SAMSN1: variants seen among roughly 807,000 people sequenced by gnomAD.
SAMSN1 encodes SAM domain, SH3 domain and nuclear localization signals 1.
SAMSN1 carries 31 observed loss-of-function variants against 42.0 expected under a neutral mutation model. The ratio of observed to expected loss-of-function variants is 0.74; its 90% CI spans 0.55 to 1.00. The LOEUF (loss-of-function observed/expected upper bound fraction) is 1.00. Ranked by LOEUF, SAMSN1 falls within the 50% of genes least tolerant of loss-of-function variation. The probability of loss-of-function intolerance (pLI) is 0.00; values close to 1 mark genes in which losing one functional copy is unlikely to be tolerated. For synonymous variants in SAMSN1, 178 were observed against 151.9 expected (o/e 1.17, Z -1.26); for missense variants, 464 against 439.4 (o/e 1.06, Z -0.50).
intron 2 of SAMSN1, among the ~76,000 whole-genome samples, chr21:14,555,540 A>G (rs1478593298): frequency 6.6e-6 from 1 of 152,180 alleles, no homozygotes; most frequent in African/African-American, 2.4e-5. Flanking sequence ...GCATAGGGAC[A>G]TGGCAGAATG....
At chr21:14,516,801 T>G in intron 3 of SAMSN1, 91 bp downstream of exon 3, 1 of 1,080,790 alleles carries the variant, frequency 9.3e-7, no homozygotes, top group Non-Finnish European at 1.3e-6. Flanking sequence ...GCTTAAGTAC[T>G]TCATAAAGTA....
intron 4 of SAMSN1, among the ~76,000 whole-genome samples, chr21:14,611,595 A>T (rs1484156161): frequency 1.3e-5 from 2 of 152,224 alleles, no homozygotes; most frequent in African/African-American, 4.8e-5. Context: ...CTGAGAATGG[A>T]TCTAGATGAA....
At chr21:14,525,492 A>G (rs559730237) in intron 1 of SAMSN1, among the ~76,000 whole-genome samples, 24 of 152,352 alleles carry the variant, frequency 1.6e-4, no homozygotes, top group African/African-American at 5.5e-4. Flanking sequence ...TCAGAAACAT[A>G]TTATCCAAGT....
chr21:14,596,594 C>T (rs991347051), intron 6 of SAMSN1, among the ~76,000 whole-genome samples: 1 of 152,130 alleles, frequency 6.6e-6, no homozygotes. Flanking sequence ...GGAATTGTGG[C>T]CTCTTCTTGT....
intron 7 of SAMSN1, 90 bp from the exon 8 acceptor site, chr21:14,486,204 A>C (rs534993024): frequency 1.2e-6 from 1 of 861,856 alleles, no homozygotes; most frequent in African/African-American, 1.7e-5. Flanking sequence ...ATCCTATTTT[A>C]ACTGTTCTAA....
chr21:14,492,921 T>C (rs1986755343), intron 7 of SAMSN1, among the ~76,000 whole-genome samples: 2 of 152,236 alleles, frequency 1.3e-5, no homozygotes, highest in South Asian at 4.1e-4. Flanking sequence ...ATTTCTTGAA[T>C]CTAGATGCAA....
intron 7 of SAMSN1, 118 bp from the exon 8 acceptor site, chr21:14,486,232 T>C (rs1986430162): frequency 3.0e-6 from 2 of 666,834 alleles, no homozygotes; most frequent in Admixed American, 2.7e-5. Flanking sequence ...TTCATTACAA[T>C]GGAAAGTTCT....
chr21:14,638,162 C>T (rs563413695), intron 2 of SAMSN1, among the ~76,000 whole-genome samples: 1 of 152,258 alleles, frequency 6.6e-6, no homozygotes, highest in South Asian at 2.1e-4. Context: ...TATACGAATC[C>T]TTGTGAAATT....
Position 14,653,850 on chromosome 21 carries a change from AAC to A in SAMSN1, c.24+4896_24+4897del, listed in dbSNP as rs3050646. 6.0e-5 allele frequency among the ~76,000 whole-genome samples: 9 copies of A among 150,764 alleles called. No individual in the cohort carries two copies. The South Asian group carries it at 8.3e-4, about 14-fold the overall frequency. On this transcript the variant is annotated intron_variant, in intron 1 of 15. Coordinates refer to the SAMSN1 transcript ENST00000647101. ...ATCAAGGGCAAATGATACACATTGCAACACACACACACACACACAGCAGGAAG... is the reference window on the plus strand; with the variant it reads ...ATCAAGGGCAAATGATACACATTGCAACACACACACACACACAGCAGGAAG...
intron 5 of SAMSN1, among the ~76,000 whole-genome samples, chr21:14,510,047 G>C (rs539770379): frequency 1.3e-5 from 2 of 152,016 alleles, no homozygotes; most frequent in East Asian, 3.9e-4. Flanking sequence ...GCTGAGGCAG[G>C]AGAATGGCGT....
At chr21:14,657,498 G>A (rs1032192353) in intron 1 of SAMSN1, among the ~76,000 whole-genome samples, 1 of 151,710 alleles carries the variant, frequency 6.6e-6, no homozygotes, top group Non-Finnish European at 1.5e-5. Context: ...CGTATGTCAC[G>A]CCACGCTGAA....
In SAMSN1 at chr21:14,512,438, C is replaced by G. The variant is rs747523182; in HGVS notation, c.409+6G>C. 1.9e-6 allele frequency: 3 copies of G among 1,613,148 alleles called. No homozygotes were observed. In the African/African-American group the frequency reaches 4.0e-5, roughly 22 times the overall value. ...CAGGATCTTGTCCCTGATTCATTAG[C>G]CTTACTTGATGAGCTCTGTCCACTG... On this transcript the variant is annotated splice_donor_region_variant and intron_variant, in intron 4 of 7. Transcript: ENST00000400566.
At chr21:14,509,368 T>A (rs1987573594) in intron 5 of SAMSN1, among the ~76,000 whole-genome samples, 1 of 152,116 alleles carries the variant, frequency 6.6e-6, no homozygotes, top group Non-Finnish European at 1.5e-5. Context: ...TGCAAAGGCA[T>A]AGGAATGACC....
intron 1 of SAMSN1, among the ~76,000 whole-genome samples, chr21:14,645,964 G>C (rs1983704948): frequency 6.6e-6 from 1 of 152,086 alleles, no homozygotes; most frequent in Non-Finnish European, 1.5e-5. Flanking sequence ...TACACAGTCA[G>C]AGGAGACAAA....
chr21:14,623,758 G>A (rs553668564), intron 2 of SAMSN1, among the ~76,000 whole-genome samples: 5 of 152,224 alleles, frequency 3.3e-5, no homozygotes, highest in African/African-American at 1.2e-4. Context: ...ATTGAACTCA[G>A]CTCTGCACCA....
chr21:14,578,865 A>T (rs962886449), intron 2 of SAMSN1, among the ~76,000 whole-genome samples: 4 of 152,016 alleles, frequency 2.6e-5, no homozygotes, highest in African/African-American at 9.7e-5. Context: ...TCACACTCTT[A>T]CCCTTTTAAA....
At chr21:14,625,509 G>A (rs1215415667) in intron 2 of SAMSN1, among the ~76,000 whole-genome samples, 1 of 152,128 alleles carries the variant, frequency 6.6e-6, no homozygotes, top group African/African-American at 2.4e-5. Flanking sequence ...GCCAAATCAT[G>A]AGTGAACTCC....
intron 5 of SAMSN1, among the ~76,000 whole-genome samples, chr21:14,603,756 A>G (rs1982497484): frequency 6.6e-6 from 1 of 152,180 alleles, no homozygotes; most frequent in African/African-American, 2.4e-5. Flanking sequence ...CAGGAATCAA[A>G]TATATAACTA....
chr21:14,656,895 A>G (rs1600987346), intron 1 of SAMSN1, among the ~76,000 whole-genome samples: 2 of 152,006 alleles, frequency 1.3e-5, no homozygotes, highest in African/African-American at 4.8e-5. Context: ...TTTAAAGGTC[A>G]GTGTTTTTAC....
Sources: gnomAD v4.1 joint callset for allele counts (sites outside exome capture counted in the v4.1 genomes callset) on GRCh38, gnomAD v4.1.1 for gene constraint, MANE v1.5 for transcripts, NCBI Gene and HGNC (gene_info 2026-07-23, HGNC 2026-07-21) for gene names.